RSAD2: variants seen among roughly 807,000 people sequenced by gnomAD.
RSAD2 encodes radical S-adenosyl methionine domain containing 2.
Under a neutral mutation model 37.7 loss-of-function variants are expected in RSAD2, and 38 were observed. That is an observed-to-expected ratio of 1.01 (90% CI 0.78 to 1.32). The LOEUF is 1.32. Among genes scored for constraint, RSAD2 ranks in the 40% most tolerant of loss-of-function variants. The pLI is 0.00. For missense variants in RSAD2, 428 were observed against 437.5 expected (o/e 0.98, Z 0.19); for synonymous variants, 163 against 157.4 (o/e 1.04, Z -0.27).
At chr2:6,871,882 T>C (rs1326062065) in intron 1 of RSAD2, among the ~76,000 whole-genome samples, 1 of 152,194 alleles carries the variant, frequency 6.6e-6, no homozygotes, top group Non-Finnish European at 1.5e-5. Context: ...GCTATGTCTT[T>C]GAGTTATCAG....
At chr2:6,868,259 TG>T (rs1262092170) in intron 1 of RSAD2, among the ~76,000 whole-genome samples, 1 of 151,984 alleles carries the variant, frequency 6.6e-6, no homozygotes, top group Non-Finnish European at 1.5e-5. Context: ...AATAATAAAA[TG>T]AAAAAATAAC....
intron 1 of RSAD2, among the ~76,000 whole-genome samples, chr2:6,878,353 A>T (rs1558334076): frequency 6.6e-6 from 1 of 152,170 alleles, no homozygotes; most frequent in Non-Finnish European, 1.5e-5. Context: ...AAATCACAGA[A>T]TTGGGCTGGA....
At position 6,895,951 on chromosome 2, in the gene RSAD2, G is replaced by A. The variant is rs754601911; in HGVS notation, c.*9G>A. 6.2e-7 allele frequency: 1 copy of A among 1,612,322 alleles called. No individual in the cohort carries two copies. Among genetic ancestry groups the A allele is most frequent in the East Asian group, 2.2e-5 (1 of 44,864 alleles). On this transcript the variant is annotated 3_prime_UTR_variant, in exon 6 of 6. Coordinates refer to ENST00000382040, the MANE Select transcript of RSAD2 (RefSeq NM_080657.5). ...TGAAGCTGGATTGGTAGAGCGGAAA[G>A]TGGAACGAGACTTCAACACACCAGT... is the stretch of plus-strand genomic sequence containing the variant.
intron 3 of RSAD2, among the ~76,000 whole-genome samples, chr2:6,888,382 G>A (rs1455665275): frequency 6.6e-6 from 1 of 152,150 alleles, no homozygotes; most frequent in East Asian, 1.9e-4. Flanking sequence ...AGAAGGAACT[G>A]GAGAAAAGCT....
rs1663801833 is a variant in RSAD2 at position 6,897,483 on chromosome 2, A to G, written c.*1541A>G. The G allele has an allele frequency of 6.6e-6, 1 of 152,210 alleles. No individual in the cohort carries two copies. The highest frequency in any genetic ancestry group is 2.1e-4 in the South Asian group (1 of 4,838). 9.4% of individuals were successfully genotyped at this position (152,210 alleles called of 1,614,324 possible). A position where few individuals can be genotyped will look rare whatever the true frequency, so the allele number is the denominator to read the frequency against. The stretch of plus-strand genomic sequence containing the variant: ...GTTTCTCAGGAAAAAAAATATTCCT[A>G]CTTAAATTTTAAGTCTATAATTCAA... On this transcript the variant is annotated 3_prime_UTR_variant, in exon 6 of 6. Coordinates refer to ENST00000382040, the MANE Select transcript of RSAD2 (RefSeq NM_080657.5).
chr2:6,883,805 G>C (rs974280031), intron 2 of RSAD2: 3 of 376,940 alleles, frequency 8.0e-6, no homozygotes, highest in African/African-American at 6.2e-5. Context: ...GCAAATACAA[G>C]ATCTATGGCC....
rs1160656245 is a variant in RSAD2 at position 6,896,123 on chromosome 2, G to A, written c.*181G>A. The A allele has an allele frequency of 3.7e-6, 2 of 534,842 alleles. No individual in the cohort carries two copies. The highest frequency in any genetic ancestry group is 5.8e-5 in the East Asian group (2 of 34,678). The allele number at this position is 534,842 out of a possible 1,614,324, so 33.1% of individuals were successfully genotyped here. On this transcript the variant is annotated 3_prime_UTR_variant, in exon 6 of 6. Coordinates refer to ENST00000382040, the MANE Select transcript of RSAD2 (RefSeq NM_080657.5). ...GAATAACTTGGATAGCAAATCCTGA[G>A]ACAATGGAAAACCATTAACTTTACT...
chr2:6,893,721 G>C lies in RSAD2; in HGVS notation c.921+18G>C, dbSNP rs373039683. On this transcript the variant is annotated intron_variant, in intron 5 of 5. Transcript: ENST00000382040. The stretch of plus-strand genomic sequence containing the variant: ...ATGAATATGTGAGTATTTCCAATGA[G>C]TTATAAAATTAAAACTTAATTAATT... 7.7e-6 allele frequency: 12 copies of C among 1,557,146 alleles called. No homozygotes were observed. The highest frequency in any genetic ancestry group is 1.1e-5 in the South Asian group (1 of 89,722).
chr2:6,897,065 A>G lies in RSAD2; in HGVS notation c.*1123A>G, dbSNP rs1244596905. On this transcript the variant is annotated 3_prime_UTR_variant, in exon 6 of 6. Transcript: ENST00000382040. ...CCAAGTCACCATATCATATTTTTGA[A>G]TGAACTCTGAGTCAGTTGAAATAGG... 6.6e-6 allele frequency: 1 copy of G among 152,222 alleles called. No individual in the cohort carries two copies. The highest frequency in any genetic ancestry group is 1.5e-5 in the Non-Finnish European group (1 of 68,046). 9.4% of individuals were successfully genotyped at this position (152,222 alleles called of 1,614,324 possible). A position where few individuals can be genotyped will look rare whatever the true frequency, so the allele number is the denominator to read the frequency against.
chr2:6,885,881 G>A (rs1015957057), intron 2 of RSAD2, among the ~76,000 whole-genome samples: 2 of 152,236 alleles, frequency 1.3e-5, no homozygotes, highest in South Asian at 2.1e-4. Flanking sequence ...TTTTTAGAAC[G>A]TTTTGAGTTG....
intron 2 of RSAD2, among the ~76,000 whole-genome samples, chr2:6,885,100 GTCTAGGGTTTATT>G: frequency 6.6e-6 from 1 of 152,230 alleles, no homozygotes; most frequent in Admixed American, 6.5e-5. Context: ...CTATGCTCAC[GTCTAGGGTTTATT>G]AGAATAAAGG....
chr2:6,866,576 C>T (rs375239276), intron 1 of RSAD2: 1 of 507,434 alleles, frequency 2.0e-6, no homozygotes, highest in Non-Finnish European at 2.6e-6. Context: ...GTCAGGATAG[C>T]ACCCTCTGCC....
At chr2:6,876,525 G>T (rs1663284624), upstream of RSAD2, among the ~76,000 whole-genome samples, 2 of 152,226 alleles carry the variant, frequency 1.3e-5, no homozygotes, top group African/African-American at 4.8e-5. Flanking sequence ...CTATCCAAAA[G>T]TGGTTTTCAA....
intron 1 of RSAD2, 118 bp downstream of exon 1, chr2:6,878,264 AT>A: frequency 1.2e-6 from 1 of 800,914 alleles, no homozygotes; most frequent in Non-Finnish European, 2.0e-6. Flanking sequence ...TGAGGTCACC[AT>A]TTACCCTTGC....
chr2:6,875,902 GA>G (rs1663273063), upstream of RSAD2, among the ~76,000 whole-genome samples: 1 of 152,166 alleles, frequency 6.6e-6, no homozygotes, highest in African/African-American at 2.4e-5. Context: ...ATTTAAACTA[GA>G]TTCTGCTTGG....
chr2:6,893,233 C>G (rs1663666333), intron 4 of RSAD2, among the ~76,000 whole-genome samples: 1 of 98,792 alleles, frequency 1.0e-5, no homozygotes, highest in African/African-American at 3.3e-5. Context: ...TAATAAAATC[C>G]TCAGGTAAAT....
chr2:6,885,422 T>C (rs1449224765), intron 2 of RSAD2, among the ~76,000 whole-genome samples: 1 of 152,196 alleles, frequency 6.6e-6, no homozygotes, highest in Non-Finnish European at 1.5e-5. Flanking sequence ...TAAACAATCC[T>C]GAGAAGTCTT....
At position 6,877,893 on chromosome 2, in the gene RSAD2, G is replaced by A. The variant is rs1019705962; in HGVS notation, c.93G>A (p.Leu31=). 1 of 1,614,150 alleles carries A rather than the reference G, an allele frequency of 6.2e-7. No individual in the cohort carries two copies. The highest frequency in any genetic ancestry group is 1.1e-5 in the South Asian group (1 of 91,076). The part of the protein sequence containing the change: ...LSSLWRSLVP[L]FCWLRATFWL... ...CTCTGTGGAGGAGCCTGGTCCCGCT[G>A]TTCTGCTGGCTGAGGGCAACCTTCT... The change falls in exon 1 of 6, where the codon CTG becomes CTA. Residue 31 remains leucine (L), a synonymous_variant. Coordinates refer to ENST00000382040, the MANE Select transcript of RSAD2 (RefSeq NM_080657.5).
chr2:6,875,990 A>C (rs1402485725), upstream of RSAD2, among the ~76,000 whole-genome samples: 1 of 152,168 alleles, frequency 6.6e-6, no homozygotes, highest in African/African-American at 2.4e-5. Flanking sequence ...ATCAGGGTGC[A>C]ACAGAGGTCC....
Sources: allele counts gnomAD v4.1 joint callset (sites outside exome capture counted in the v4.1 genomes callset), GRCh38; gene constraint gnomAD v4.1.1; transcripts MANE v1.5; gene names NCBI Gene and HGNC (gene_info 2026-07-23, HGNC 2026-07-21).